The following ATP10B variants were observed in gnomAD, a reference collection of about 807,000 sequenced individuals.
ATP10B encodes phospholipid-transporting ATPase VB.
Under a neutral mutation model 141.2 loss-of-function variants are expected in ATP10B, and 122 were observed. That is an observed-to-expected ratio of 0.86 (90% CI 0.75 to 1.00). The LOEUF (loss-of-function observed/expected upper bound fraction) is 1.00, where lower values mean the gene tolerates loss of function less well. Ranked by LOEUF, ATP10B falls within the 50% of genes least tolerant of loss-of-function variation. The pLI is 0.00. For missense variants in ATP10B, 1,876 were observed against 1,825.3 expected (o/e 1.03, Z -0.51); for synonymous variants, 685 against 692.0 (o/e 0.99, Z 0.16).
chr5:160,798,796 G>A (rs933335673), intron 1 of ATP10B, among the ~76,000 whole-genome samples: 7 of 144,990 alleles, frequency 4.8e-5, no homozygotes, highest in Middle Eastern at 3.7e-3. Flanking sequence ...TGTCACCCAG[G>A]CTGGAGTCCA....
At chr5:160,787,453 A>T (rs570082177) in intron 1 of ATP10B, among the ~76,000 whole-genome samples, 1 of 152,286 alleles carries the variant, frequency 6.6e-6, no homozygotes, top group South Asian at 2.1e-4. Context: ...CTTGCCCTCC[A>T]GTGGCCGTGT....
At position 160,687,082 on chromosome 5, in the gene ATP10B, C is replaced by A. The variant is rs532898193; in HGVS notation, c.275+718G>T. The A allele has an allele frequency of 1.1e-5, 4 of 378,282 alleles. No individual in the cohort carries two copies. In the South Asian group the frequency reaches 4.3e-4, roughly 41 times the overall value. The allele number at this position is 378,282 out of a possible 1,614,324, so 23.4% of individuals were successfully genotyped here. A position where few individuals can be genotyped will look rare whatever the true frequency, so the allele number is the denominator to read the frequency against. On this transcript the variant is annotated intron_variant, in intron 5 of 25. Coordinates refer to ENST00000327245, the MANE Select transcript of ATP10B (RefSeq NM_025153.3). ...TTTTCACTCAGGTAATGCAGTCTCT[C>A]TTTCATGTTGTACTTCAATTCCCTG... is the stretch of plus-strand genomic sequence containing the variant.
rs1308856286 is a variant in ATP10B, at chr5:160,634,664, C to T, written c.1129-58G>A. On this transcript the variant is annotated intron_variant, in intron 11 of 25. Coordinates refer to ENST00000327245, the MANE Select transcript of ATP10B (RefSeq NM_025153.3). ...CCAGGCAGGTTCCCTCCCTTGGGAT[C>T]CTCACTAGCAGGTAGCAAAGGCATT... The T allele has an allele frequency of 6.5e-6, 10 of 1,535,848 alleles. No individual in the cohort carries two copies. The Admixed American group carries it at 2.0e-4, about 31-fold the overall frequency.
intron 2 of ATP10B, among the ~76,000 whole-genome samples, chr5:160,763,985 C>T (rs1308659721): frequency 6.6e-6 from 1 of 152,082 alleles, no homozygotes; most frequent in Non-Finnish European, 1.5e-5. Context: ...TGGAAATATA[C>T]AACCCTCTTA....
the ATP10B span, among the ~76,000 whole-genome samples, chr5:160,890,250 C>T: frequency 1.3e-5 from 2 of 152,186 alleles, no homozygotes; most frequent in African/African-American, 4.8e-5. Context: ...TCTTTATGGA[C>T]TAAGTGCTTC....
chr5:160,599,602 C>A (rs981548256), intron 21 of ATP10B, among the ~76,000 whole-genome samples: 3 of 152,176 alleles, frequency 2.0e-5, no homozygotes, highest in Non-Finnish European at 4.4e-5. Flanking sequence ...AAAGACTGAA[C>A]CATGAGCAGG....
At chr5:160,864,360 C>T in the ATP10B span, among the ~76,000 whole-genome samples, 1 of 151,934 alleles carries the variant, frequency 6.6e-6, no homozygotes, top group Admixed American at 6.6e-5. Context: ...ACAGAAAAAG[C>T]ATTTTATAAA....
intron 1 of ATP10B, among the ~76,000 whole-genome samples, chr5:160,846,287 T>G (rs750068444): frequency 7.9e-5 from 12 of 152,172 alleles, no homozygotes; most frequent in Admixed American, 7.9e-4. Context: ...GGTACCAATT[T>G]GGGTATTGTC....
At chr5:160,859,640 G>T in the ATP10B span, among the ~76,000 whole-genome samples, 1 of 151,850 alleles carries the variant, frequency 6.6e-6, no homozygotes, top group East Asian at 1.9e-4. Context: ...GTAAAAAACA[G>T]AAAGCAAAAA....
intron 23 of ATP10B, 137 bp downstream of exon 23, chr5:160,590,922 G>T: frequency 1.5e-6 from 1 of 657,104 alleles, no homozygotes; most frequent in Non-Finnish European, 2.6e-6. Flanking sequence ...ACCTTGGGTT[G>T]GATGTAACCT....
chr5:160,878,573 G>C, the ATP10B span, among the ~76,000 whole-genome samples: 1 of 151,536 alleles, frequency 6.6e-6, no homozygotes, highest in Non-Finnish European at 1.5e-5. Context: ...CACAGCAAAA[G>C]AAACTACCGT....
chr5:160,602,503 C>A, intron 21 of ATP10B, 74 bp downstream of exon 21: 1 of 1,599,886 alleles, frequency 6.3e-7, no homozygotes, highest in African/African-American at 1.3e-5. Flanking sequence ...GCTTTGCCCA[C>A]TGCTAGGGAG....
chr5:160,589,519 C>T (rs997684303), intron 24 of ATP10B, 73 bp downstream of exon 24: 73 of 1,187,480 alleles, frequency 6.1e-5, no homozygotes, highest in Non-Finnish European at 7.7e-5. Context: ...CAGAATGAAA[C>T]AATTCAGAAA....
chr5:160,580,086 T>C (rs1755447833), intron 24 of ATP10B, among the ~76,000 whole-genome samples: 1 of 152,230 alleles, frequency 6.6e-6, no homozygotes, highest in Non-Finnish European at 1.5e-5. Context: ...TTTCTAGATA[T>C]ACAATCATGT....
At chr5:160,916,337 A>G in the ATP10B span, among the ~76,000 whole-genome samples, 119 of 151,804 alleles carry the variant, frequency 7.8e-4, no homozygotes, top group East Asian at 0.011. Context: ...TCTTATTTGG[A>G]GCCTCAGTTT....
chr5:160,846,726 C>G (rs1013080542), intron 1 of ATP10B, among the ~76,000 whole-genome samples: 4 of 152,178 alleles, frequency 2.6e-5, no homozygotes, highest in Non-Finnish European at 5.9e-5. Context: ...TGGTTCAACT[C>G]ATATGAAATG....
chr5:160,643,522 C>T (rs1421959), intron 9 of ATP10B, among the ~76,000 whole-genome samples: 133,080 of 152,240 alleles, frequency 0.87, 58,364 homozygotes, highest in African/African-American at 0.91. Flanking sequence ...ACTTTAGATT[C>T]CATTGTGAGA....
chr5:160,686,310 A>G, intron 5 of ATP10B, 37 bp from the exon 6 acceptor site: 1 of 1,444,294 alleles, frequency 6.9e-7, no homozygotes, highest in Admixed American at 2.4e-5. Flanking sequence ...AACACTATGG[A>G]GAAGAAAAAT....
the ATP10B span, among the ~76,000 whole-genome samples, chr5:160,915,934 T>A: frequency 6.6e-6 from 1 of 152,170 alleles, no homozygotes; most frequent in African/African-American, 2.4e-5. Context: ...ACTGTAAAAA[T>A]CACACAGCAC....
Sources: allele counts gnomAD v4.1 joint callset (sites outside exome capture counted in the v4.1 genomes callset), GRCh38; gene constraint gnomAD v4.1.1; transcripts MANE v1.5; gene names NCBI Gene and HGNC (gene_info 2026-07-23, HGNC 2026-07-21).